Variants in OR51B5 observed in about 807,000 individuals in gnomAD.
OR51B5 encodes the protein olfactory receptor family 51 subfamily B member 5, also known as olfactory receptor 51B5.
For missense variants in OR51B5, 456 were observed against 374.6 expected (o/e 1.22, Z -1.79); for synonymous variants, 186 against 144.8 (o/e 1.28, Z -2.04).
upstream of OR51B5, among the ~76,000 whole-genome samples, chr11:5,344,262 C>CAAAG (rs140690975): frequency 3.0e-3 from 456 of 152,242 alleles, no homozygotes; most frequent in Non-Finnish European, 5.1e-3. Context: ...TTAGGCCAGC[C>CAAAG]AAAGACATCA....
intron 1 of OR51B5, among the ~76,000 whole-genome samples, chr11:5,451,424 A>G (rs1005293237): frequency 2.6e-5 from 4 of 152,232 alleles, no homozygotes; most frequent in Non-Finnish European, 5.9e-5. Context: ...GAGTGTAGTC[A>G]AATGGGAGAA....
intron 1 of OR51B5, among the ~76,000 whole-genome samples, chr11:5,437,099 C>T (rs533265348): frequency 2.0e-5 from 3 of 152,132 alleles, no homozygotes; most frequent in Non-Finnish European, 4.4e-5. Flanking sequence ...AAAAAGCAAA[C>T]AAGAAACTAC....
At chr11:5,450,097 A>G (rs972012313) in intron 1 of OR51B5, among the ~76,000 whole-genome samples, 1 of 152,214 alleles carries the variant, frequency 6.6e-6, no homozygotes, top group Non-Finnish European at 1.5e-5. Context: ...GTCCTTAAAA[A>G]TAAGACATAC....
At chr11:5,375,458 A>G (rs1849511176) in intron 1 of OR51B5, among the ~76,000 whole-genome samples, 1 of 151,826 alleles carries the variant, frequency 6.6e-6, no homozygotes, top group Non-Finnish European at 1.5e-5. Flanking sequence ...TCATAATGAC[A>G]GGATCAAATT....
intron 1 of OR51B5, among the ~76,000 whole-genome samples, chr11:5,472,152 C>T (rs943073165): frequency 1.9e-4 from 29 of 152,288 alleles, no homozygotes; most frequent in Non-Finnish European, 2.9e-4. Context: ...ACGCTCAGAA[C>T]CACACAGTGA....
intron 1 of OR51B5, among the ~76,000 whole-genome samples, chr11:5,376,730 GA>G (rs1338016151): frequency 1.3e-5 from 2 of 151,772 alleles, no homozygotes; most frequent in African/African-American, 4.8e-5. Context: ...TAAATTCCTG[GA>G]CACATACACT....
chr11:5,467,211 G>T (rs1374127271), intron 1 of OR51B5, among the ~76,000 whole-genome samples: 1 of 151,996 alleles, frequency 6.6e-6, no homozygotes, highest in Non-Finnish European at 1.5e-5. Context: ...CTCCAATTGG[G>T]GGCAAGATTT....
chr11:5,487,425 G>C lies in OR51B5; in HGVS notation n.84+18144C>G, dbSNP rs7126624. Among the ~76,000 whole-genome samples the C allele has an allele frequency of 8.5e-3, 1,293 of 152,128 alleles. 18 individuals are homozygous for C. The highest frequency in any genetic ancestry group is 0.029 in the African/African-American group (1,205 of 41,494). On this transcript the variant is annotated intron_variant and non_coding_transcript_variant, in intron 1 of 4. Coordinates refer to the OR51B5 transcript ENST00000415970. ...AAAACTAAGCCACAAAAAGGCTTTG[G>C]AATTTTTTTCAATGCCACATAGTGA...
At chr11:5,460,260 G>GGATCAAAAAGATCAAAAAGGATGTGAA (rs1851027961) in intron 1 of OR51B5, among the ~76,000 whole-genome samples, 1 of 152,062 alleles carries the variant, frequency 6.6e-6, no homozygotes, top group African/African-American at 2.4e-5. Context: ...ATGTGAAGAG[G>GGATCAAAAAGATCAAAAAGGATGTGAA]GAGAGGATCA....
At chr11:5,388,110 T>C (rs1000705979) in intron 1 of OR51B5, among the ~76,000 whole-genome samples, 2 of 152,134 alleles carry the variant, frequency 1.3e-5, no homozygotes, top group Non-Finnish European at 1.5e-5. Flanking sequence ...ATTGAAATAA[T>C]TGAATATTGA....
chr11:5,387,132 T>C (rs1214633137), intron 1 of OR51B5, among the ~76,000 whole-genome samples: 1 of 152,094 alleles, frequency 6.6e-6, no homozygotes, highest in African/African-American at 2.4e-5. Context: ...GACAGTAAAC[T>C]GAATAACATA....
At chr11:5,440,967 T>G in intron 1 of OR51B5, 1 of 1,613,926 alleles carries the variant, frequency 6.2e-7, no homozygotes, top group African/African-American at 1.3e-5. Context: ...GAGATCTGGA[T>G]GGAGACAGTA....
At chr11:5,355,861 C>T (rs574099965) in intron 1 of OR51B5, among the ~76,000 whole-genome samples, 2 of 152,048 alleles carry the variant, frequency 1.3e-5, no homozygotes, top group African/African-American at 4.8e-5. Flanking sequence ...GTGACATAGG[C>T]GTCAATATAC....
At chr11:5,371,291 TC>T (rs1849443677) in intron 1 of OR51B5, among the ~76,000 whole-genome samples, 1 of 152,144 alleles carries the variant, frequency 6.6e-6, no homozygotes, top group South Asian at 2.1e-4. Flanking sequence ...TTTTTAAAAC[TC>T]AAACACAGAA....
At chr11:5,343,545 A>ACG, upstream of OR51B5, 2 of 737,478 alleles carry the variant, frequency 2.7e-6, no homozygotes, top group Middle Eastern at 2.6e-4. Flanking sequence ...TATAGAAGAA[A>ACG]TGTCTTTCTG....
At chr11:5,380,249 C>G (rs897013293) in intron 1 of OR51B5, among the ~76,000 whole-genome samples, 11 of 152,128 alleles carry the variant, frequency 7.2e-5, no homozygotes, top group African/African-American at 2.4e-4. Context: ...GTAAACCTTC[C>G]AGACTCTCTG....
intron 1 of OR51B5, chr11:5,391,587 T>C (rs1490200120): frequency 2.0e-5 from 3 of 152,238 alleles, no homozygotes; most frequent in Non-Finnish European, 2.9e-5. Flanking sequence ...AGTTCTCTTC[T>C]TGTCTCGAGG....
chr11:5,367,177 C>T (rs1003519506), intron 1 of OR51B5, among the ~76,000 whole-genome samples: 1 of 152,144 alleles, frequency 6.6e-6, no homozygotes, highest in African/African-American at 2.4e-5. Context: ...TCATTGTGAA[C>T]TGGAATAAAA....
At chr11:5,430,645 G>T (rs1498474) in intron 1 of OR51B5, 3 of 448,700 alleles carry the variant, frequency 6.7e-6, no homozygotes, top group Non-Finnish European at 1.4e-5. Flanking sequence ...CTGACTCCTT[G>T]CAGTGATTCA....
Sources: allele counts gnomAD v4.1 joint callset (sites outside exome capture counted in the v4.1 genomes callset), GRCh38; gene constraint gnomAD v4.1.1; transcripts MANE v1.5; gene names NCBI Gene and HGNC (gene_info 2026-07-23, HGNC 2026-07-21).